PC: variants seen among roughly 807,000 people sequenced by gnomAD.
PC encodes pyruvate carboxylase.
A neutral mutation model predicts 107.8 loss-of-function variants in PC; 46 were observed. The ratio of observed to expected loss-of-function variants is 0.43; its 90% CI spans 0.34 to 0.55. PC has a LOEUF of 0.55. Ranked by LOEUF, PC falls within the 20% of genes least tolerant of loss-of-function variation. The pLI, the probability that PC is intolerant of heterozygous loss-of-function variation, is 0.04. For synonymous variants in PC, 662 were observed against 684.7 expected (o/e 0.97, Z 0.52); for missense variants, 1,241 against 1,643.1 (o/e 0.76, Z 4.23).
At chr11:66,892,481 C>T (rs1227867974) in intron 3 of PC, among the ~76,000 whole-genome samples, 2 of 152,208 alleles carry the variant, frequency 1.3e-5, no homozygotes, top group Non-Finnish European at 2.9e-5. Context: ...ATCCAAGCTA[C>T]TCGTTTGCCA....
At chr11:66,865,262 C>G (rs925569330) in intron 11 of PC, among the ~76,000 whole-genome samples, 1 of 152,240 alleles carries the variant, frequency 6.6e-6, no homozygotes, top group Non-Finnish European at 1.5e-5. Flanking sequence ...AGCCCAGAGC[C>G]TGGCCCAAAC....
At chr11:66,909,986 A>C (rs1948287900) in intron 3 of PC, among the ~76,000 whole-genome samples, 1 of 152,166 alleles carries the variant, frequency 6.6e-6, no homozygotes, top group South Asian at 2.1e-4. Flanking sequence ...GCTGTCTTCA[A>C]TTTACACAGA....
intron 12 of PC, among the ~76,000 whole-genome samples, chr11:66,856,137 C>T (rs1297324620): frequency 1.3e-5 from 2 of 151,876 alleles, no homozygotes; most frequent in East Asian, 3.8e-4. Flanking sequence ...AGCAAAGAAC[C>T]TCCCCCACCT....
chr11:66,862,292 C>T (rs908524321), intron 12 of PC, among the ~76,000 whole-genome samples: 6 of 152,176 alleles, frequency 3.9e-5, no homozygotes, highest in Non-Finnish European at 8.8e-5. Context: ...CTAGGAAGTG[C>T]GCTGTTCCCT....
intron 3 of PC, among the ~76,000 whole-genome samples, chr11:66,927,633 G>C (rs1386853042): frequency 6.6e-6 from 1 of 151,522 alleles, no homozygotes; most frequent in East Asian, 1.9e-4. Context: ...TGAGGTAGGA[G>C]AATCGCTTGA....
chr11:66,859,131 C>T lies in PC; in HGVS notation c.1368+4643G>A, dbSNP rs201864445. On this transcript the variant is annotated intron_variant, in intron 12 of 22. Coordinates refer to ENST00000393960, the MANE Select transcript of PC (RefSeq NM_001040716.2). ...GCCCCACACCCGGCTGCACTCCCGG[C>T]GCCCTTCCTCCGCCCTCTGCTCCCC... 3.1e-5 allele frequency: 46 copies of T among 1,473,842 alleles called. No homozygotes were observed. In the East Asian group the frequency reaches 3.2e-4, roughly 10 times the overall value. The allele number at this position is 1,473,842 out of a possible 1,614,324, so 91.3% of individuals were successfully genotyped here. A position where few individuals can be genotyped will look rare whatever the true frequency, so the allele number is the denominator to read the frequency against.
intron 3 of PC, among the ~76,000 whole-genome samples, chr11:66,895,163 C>T (rs562061392): frequency 3.9e-5 from 6 of 152,104 alleles, no homozygotes; most frequent in Non-Finnish European, 5.9e-5. Flanking sequence ...CTGGGAAATT[C>T]GAGGCACAGT....
intron 3 of PC, among the ~76,000 whole-genome samples, chr11:66,890,211 C>T (rs1465575757): frequency 6.6e-6 from 1 of 152,126 alleles, no homozygotes; most frequent in East Asian, 1.9e-4. Flanking sequence ...CCCCTTTGTC[C>T]GTGAGAACAC....
rs113071273 is a variant in PC at position 66,852,581 on chromosome 11, C to A, written c.1683G>T (p.Pro561=). 7 of 1,613,888 alleles carry A rather than the reference C, an allele frequency of 4.3e-6. No individual in the cohort carries two copies. Among genetic ancestry groups the A allele is most frequent in the Non-Finnish European group, 5.1e-6 (6 of 1,180,032 alleles). ...EGFARAVRNH[P]GLLLMDTTFR... is the part of the protein sequence containing the mutation. ...AGGTCGTGTCCATCAGCAGCAGCCCCGGGTGGTTCCGCACAGCTCGAGCAA... is the reference window on the plus strand; with the variant it reads ...AGGTCGTGTCCATCAGCAGCAGCCCAGGGTGGTTCCGCACAGCTCGAGCAA... The change falls in exon 15 of 23, where the codon CCG becomes CCT. Residue 561 remains proline (P), a synonymous_variant. Transcript: ENST00000393960. The surrounding 1 kb of genome is among the most constrained non-coding windows in gnomAD (Gnocchi z 4.7).
chr11:66,945,979 G>A (rs1035059660), intron 3 of PC, among the ~76,000 whole-genome samples: 6 of 151,008 alleles, frequency 4.0e-5, no homozygotes, highest in East Asian at 2.0e-4. Context: ...CCAGCTACTC[G>A]GGAGGCTGAG....
intron 2 of PC, among the ~76,000 whole-genome samples, 162 bp from the exon 3 acceptor site, chr11:66,952,630 T>C (rs1949466027): frequency 6.6e-6 from 1 of 152,154 alleles, no homozygotes; most frequent in Non-Finnish European, 1.5e-5. Context: ...CAACCTCTGC[T>C]TCCCGGATTC....
intron 3 of PC, among the ~76,000 whole-genome samples, chr11:66,883,715 CTAAA>C (rs1278038820): frequency 6.6e-6 from 1 of 152,132 alleles, no homozygotes; most frequent in Non-Finnish European, 1.5e-5. Flanking sequence ...AAGACCAGAA[CTAAA>C]TAAATGTCTG....
intron 16 of PC, among the ~76,000 whole-genome samples, 199 bp downstream of exon 16, chr11:66,851,591 G>A (rs938827270): frequency 2.6e-5 from 4 of 152,230 alleles, no homozygotes; most frequent in African/African-American, 2.4e-5. Flanking sequence ...CCAGGAGTGA[G>A]GGAGTGATTT....
rs200166901 is a variant in PC at position 66,849,046 on chromosome 11, C to A, written c.3390G>T (p.Lys1130Asn). 3.1e-6 allele frequency: 5 copies of A among 1,614,086 alleles called. No homozygotes were observed. In the African/African-American group the frequency reaches 6.7e-5, roughly 22 times the overall value. The change falls in exon 23 of 23, where the codon AAG becomes AAT. Residue 1130 changes from lysine (K) to asparagine (N), a missense_variant. Around this residue, in one of 2 missense-constraint regions of PC, gnomAD observed 98 missense variants for 91.2 expected, o/e 1.07. Coordinates refer to ENST00000393960, the MANE Select transcript of PC (RefSeq NM_001040716.2). ...VIDIKVVAGA[K>N]VAKGQPLCVL... is the part of the protein sequence containing the mutation. ...CACACAGGGGCTGGCCCTTGGCCAC[C>A]TTGGCCCCTGCCACCACTTTGATGT...
intron 3 of PC, among the ~76,000 whole-genome samples, chr11:66,942,376 G>T (rs1366450885): frequency 6.7e-6 from 1 of 149,652 alleles, no homozygotes; most frequent in Non-Finnish European, 1.5e-5. Context: ...CTCCAGCCTG[G>T]GCGACAGAGC....
At chr11:66,916,729 C>T (rs866417437) in intron 3 of PC, among the ~76,000 whole-genome samples, 3 of 152,090 alleles carry the variant, frequency 2.0e-5, no homozygotes, top group South Asian at 2.1e-4. Context: ...CCGAGGCGTG[C>T]GGATCACGAG....
At chr11:66,903,773 A>ATATATAT (rs1383896793) in intron 3 of PC, among the ~76,000 whole-genome samples, 1 of 62,496 alleles carries the variant, frequency 1.6e-5, no homozygotes. Context: ...AAAAAAAAAA[A>ATATATAT]ATATATATAT....
At chr11:66,940,891 A>G (rs138358166) in intron 3 of PC, among the ~76,000 whole-genome samples, 5,797 of 151,876 alleles carry the variant, frequency 0.038, 352 homozygotes, top group African/African-American at 0.13. Context: ...GATCGAGACC[A>G]GCCTGGCTAA....
chr11:66,862,616 G>A (rs1367584687), intron 12 of PC, among the ~76,000 whole-genome samples: 1 of 152,244 alleles, frequency 6.6e-6, no homozygotes, highest in Non-Finnish European at 1.5e-5. Flanking sequence ...CAAAGCCCCT[G>A]TCCTCCGGCT....
Sources: gnomAD v4.1 joint callset for allele counts (sites outside exome capture counted in the v4.1 genomes callset) on GRCh38, gnomAD v4.1.1 for gene constraint, gnomAD v4.1.1 regional missense constraint, Gnocchi (gnomAD v3.1) non-coding constraint, MANE v1.5 for transcripts, NCBI Gene and HGNC (gene_info 2026-07-23, HGNC 2026-07-21) for gene names.